The following OR3A2 variants were observed in gnomAD, a reference collection of about 807,000 sequenced individuals.
OR3A2 encodes the protein olfactory receptor 3A2.
For synonymous variants in OR3A2, 126 were observed against 159.3 expected (o/e 0.79, Z 1.57); for missense variants, 318 against 392.8 (o/e 0.81, Z 1.61).
intron 1 of OR3A2, 139 bp downstream of exon 1, chr17:3,385,986 C>CGT: frequency 2.8e-6 from 1 of 358,880 alleles, no homozygotes; most frequent in Non-Finnish European, 4.8e-6. Context: ...GCCTGGTGGA[C>CGT]GGAACAGACG....
At chr17:3,282,861 A>T (rs559553986) in intron 1 of OR3A2, among the ~76,000 whole-genome samples, 2 of 152,330 alleles carry the variant, frequency 1.3e-5, no homozygotes, top group African/African-American at 4.8e-5. Flanking sequence ...CTCCTTGCTC[A>T]TGCTGTTTTC....
chr17:3,338,754 GCT>G (rs1176988291), intron 2 of OR3A2, among the ~76,000 whole-genome samples: 5 of 152,124 alleles, frequency 3.3e-5, no homozygotes, highest in Non-Finnish European at 5.9e-5. Context: ...GGCAATGCAG[GCT>G]CTTTTTTGGT....
At position 3,309,913 on chromosome 17, in the gene OR3A2, C is replaced by T. The variant is rs540345166; in HGVS notation, c.-85+26120G>A. ...GCTTTCCTGCTTCCCCGAAGCTTCC[C>T]TTTCATCCTCTGGGATCTTGTGTAC... On this transcript the variant is annotated intron_variant, in intron 3 of 4. Transcript: ENST00000573491. The T allele has an allele frequency of 1.2e-4, 22 of 188,838 alleles. No individual in the cohort carries two copies. The East Asian group carries it at 2.4e-3, about 20-fold the overall frequency. The allele number at this position is 188,838 out of a possible 1,614,324, so 11.7% of individuals were successfully genotyped here. A position where few individuals can be genotyped will look rare whatever the true frequency, so the allele number is the denominator to read the frequency against.
intron 3 of OR3A2, among the ~76,000 whole-genome samples, chr17:3,301,221 T>G (rs2048963299): frequency 6.6e-6 from 1 of 152,218 alleles, no homozygotes; most frequent in African/African-American, 2.4e-5. Flanking sequence ...ATGGGATTGC[T>G]GGGTCAAATG....
At chr17:3,292,869 A>G (rs1567544902) in intron 3 of OR3A2, among the ~76,000 whole-genome samples, 1 of 152,152 alleles carries the variant, frequency 6.6e-6, no homozygotes. Context: ...TGTAAAGATT[A>G]TGAAAGACAA....
intron 3 of OR3A2, among the ~76,000 whole-genome samples, chr17:3,332,043 G>C (rs1398158278): frequency 6.6e-6 from 1 of 152,058 alleles, no homozygotes; most frequent in Admixed American, 6.5e-5. Flanking sequence ...CAGGGGTCAG[G>C]GACCCACTTG....
intron 3 of OR3A2, among the ~76,000 whole-genome samples, chr17:3,330,939 C>G (rs1334004210): frequency 6.6e-6 from 1 of 152,044 alleles, no homozygotes; most frequent in East Asian, 1.9e-4. Context: ...ATTTGCTTGT[C>G]TGTAAAGGAT....
intron 3 of OR3A2, chr17:3,310,425 G>T (rs773612096): frequency 7.5e-6 from 4 of 535,460 alleles, no homozygotes; most frequent in South Asian, 5.5e-5. Context: ...TCTTGCTTAC[G>T]TCACTACCAT....
chr17:3,337,978 G>C (rs556932478), intron 2 of OR3A2, among the ~76,000 whole-genome samples: 3 of 152,212 alleles, frequency 2.0e-5, no homozygotes, highest in Non-Finnish European at 4.4e-5. Flanking sequence ...TAACTGGTGT[G>C]AGATGGTATC....
chr17:3,301,698 G>C (rs945433784), intron 3 of OR3A2, among the ~76,000 whole-genome samples: 10 of 152,088 alleles, frequency 6.6e-5, no homozygotes, highest in African/African-American at 2.4e-4. Flanking sequence ...TGTTTAATTA[G>C]GTCCCATTTG....
At chr17:3,348,197 C>G in intron 2 of OR3A2, among the ~76,000 whole-genome samples, 1 of 151,962 alleles carries the variant, frequency 6.6e-6, no homozygotes, top group Non-Finnish European at 1.5e-5. Context: ...TTGTAGGTTG[C>G]CTGTTCACTC....
At chr17:3,375,325 GAC>G (rs2049674659) in intron 2 of OR3A2, among the ~76,000 whole-genome samples, 1 of 112,692 alleles carries the variant, frequency 8.9e-6, no homozygotes, top group East Asian at 2.8e-4. Context: ...TTCTTTTTGA[GAC>G]AGTCTCACTC....
chr17:3,290,785 T>C (rs1272503509), intron 3 of OR3A2, among the ~76,000 whole-genome samples: 1 of 152,340 alleles, frequency 6.6e-6, no homozygotes, highest in East Asian at 1.9e-4. Context: ...TTTATAGTTA[T>C]GGATTATCTC....
intron 1 of OR3A2, among the ~76,000 whole-genome samples, chr17:3,281,399 A>G (rs1229832770): frequency 3.3e-5 from 5 of 151,942 alleles, no homozygotes; most frequent in Non-Finnish European, 7.4e-5. Flanking sequence ...ACGCCCAGCT[A>G]ATTTTTTTGT....
At chr17:3,380,766 G>T (rs1277894498) in intron 2 of OR3A2, among the ~76,000 whole-genome samples, 4 of 152,174 alleles carry the variant, frequency 2.6e-5, no homozygotes, top group African/African-American at 9.7e-5. Flanking sequence ...TGGATTTAAG[G>T]AATTGGATAG....
intron 3 of OR3A2, among the ~76,000 whole-genome samples, chr17:3,300,675 G>A (rs896073300): frequency 1.4e-5 from 2 of 140,818 alleles, no homozygotes; most frequent in African/African-American, 5.0e-5. Flanking sequence ...AAAATATTGA[G>A]CAACAAAAAT....
intron 3 of OR3A2, among the ~76,000 whole-genome samples, chr17:3,308,967 G>A (rs534630299): frequency 1.3e-5 from 2 of 151,960 alleles, no homozygotes; most frequent in Non-Finnish European, 2.9e-5. Context: ...GTACAGTGGC[G>A]CTGTCTCAGC....
chr17:3,321,446 C>G (rs796385699), intron 3 of OR3A2, among the ~76,000 whole-genome samples: 1 of 151,620 alleles, frequency 6.6e-6, no homozygotes, highest in East Asian at 1.9e-4. Flanking sequence ...GAGGGCATCC[C>G]TGTCTTGTGC....
At chr17:3,277,878 A>G (rs140924229) in exon 2 of OR3A2, 14 of 1,380,776 alleles carry the variant, frequency 1.0e-5, no homozygotes, top group Non-Finnish European at 1.3e-5. Flanking sequence ...AGATAGGAAA[A>G]ATAGTTGTGG....
Sources: allele counts gnomAD v4.1 joint callset (sites outside exome capture counted in the v4.1 genomes callset), GRCh38; gene constraint gnomAD v4.1.1; transcripts MANE v1.5; gene names NCBI Gene and HGNC (gene_info 2026-07-23, HGNC 2026-07-21).